NR2F6: variants seen among roughly 807,000 people sequenced by gnomAD.
NR2F6 encodes the protein nuclear receptor subfamily 2 group F member 6.
NR2F6 carries 16 observed loss-of-function variants against 26.5 expected under a neutral mutation model. That is an observed-to-expected ratio of 0.60 (90% CI 0.41 to 0.92). The LOEUF (loss-of-function observed/expected upper bound fraction) is 0.92, where lower values mean the gene tolerates loss of function less well. Among genes scored for constraint, NR2F6 ranks in the 40% least tolerant of loss-of-function variants. The pLI is 0.00. For synonymous variants in NR2F6, 325 were observed against 305.0 expected, an observed-to-expected ratio of 1.07 and a Z score of -0.68; for missense variants, 536 against 631.7, an observed-to-expected ratio of 0.85 and a Z score of 1.62.
At position 17,235,946 on chromosome 19, in the gene NR2F6, G is replaced by A; in HGVS notation, c.493C>T (p.Pro165Ser). The change falls in exon 3 of 4, where the codon CCG (proline) becomes TCG (serine). Residue 165 changes from proline (P) to serine (S), a missense_variant. Pro to Ser is a moderately conservative substitution (Grantham distance 74, BLOSUM62 -1). Transcript: ENST00000291442. This position sits in a 1 kb window ranked among gnomAD's most constrained non-coding sequence, Gnocchi z 5.0. Reference sequence around the variant, plus strand: ...AGCTGCGCGATCAGTTCGGACACCGGCTGCCCCGGGAAGAGGTCTCCGCCG... The same window carrying A: ...AGCTGCGCGATCAGTTCGGACACCGACTGCCCCGGGAAGAGGTCTCCGCCG... ...ASGGDLFPGQPVSELIAQLLR... is the reference protein window; with the variant it reads ...ASGGDLFPGQSVSELIAQLLR... The A allele has an allele frequency of 1.4e-6, 2 of 1,481,430 alleles. No homozygotes were observed. The highest frequency in any genetic ancestry group is 2.9e-5 in the East Asian group (1 of 34,696). The allele number at this position is 1,481,430 out of a possible 1,614,324, so 91.8% of individuals were successfully genotyped here.
At position 17,245,323 on chromosome 19, in the gene NR2F6, G is replaced by T; in HGVS notation, c.-103C>A. 9.7e-7 allele frequency: 1 copy of T among 1,026,012 alleles called. No individual in the cohort carries two copies. The highest frequency in any genetic ancestry group is 1.2e-6 in the Non-Finnish European group (1 of 818,928). The allele number at this position is 1,026,012 out of a possible 1,614,324, so 63.6% of individuals were successfully genotyped here. ...CGCGGCGCGCATTCGGCCCCGGCGC[G>T]CGGGGGGCACGGGCTGCACCCCCCA... On this transcript the variant is annotated 5_prime_UTR_variant, in exon 1 of 4. Transcript: ENST00000291442. The surrounding 1 kb of genome is among the most constrained non-coding windows in gnomAD (Gnocchi z 5.0).
intron 2 of NR2F6, among the ~76,000 whole-genome samples, chr19:17,240,415 T>C (rs1177986694): frequency 6.6e-6 from 1 of 152,178 alleles, no homozygotes; most frequent in Non-Finnish European, 1.5e-5. Flanking sequence ...CCCTGGCCTC[T>C]TCAGCTCCAC....
At chr19:17,241,227 G>A (rs1342495858) in intron 1 of NR2F6, among the ~76,000 whole-genome samples, 1 of 152,214 alleles carries the variant, frequency 6.6e-6, no homozygotes, top group Non-Finnish European at 1.5e-5. Context: ...TGGACTTTGT[G>A]AATTAACTAG....
At position 17,231,964 on chromosome 19, in the gene NR2F6, C is replaced by T. The variant is rs1214253444; in HGVS notation, c.*388G>A. On this transcript the variant is annotated 3_prime_UTR_variant, in exon 4 of 4. Transcript: ENST00000291442. The stretch of plus-strand genomic sequence containing the variant: ...ATAGGTTACGTGTCCAGAGGATCTG[C>T]CTGGCACACGCTAGCTACCCCTGCC... The T allele has an allele frequency of 8.2e-6, 2 of 245,340 alleles. No homozygotes were observed. The highest frequency in any genetic ancestry group is 2.3e-5 in the African/African-American group (1 of 43,360). 15.2% of individuals were successfully genotyped at this position (245,340 alleles called of 1,614,324 possible).
rs1377393522 is a variant in NR2F6, at chr19:17,245,290, G to A, written c.-70C>T. The stretch of plus-strand genomic sequence containing the variant: ...CTCCGGGCACCCCTCTCGGCCCGGG[G>A]GACCCTACGCGGCGCGCATTCGGCC... On this transcript the variant is annotated 5_prime_UTR_variant, in exon 1 of 4. Transcript: ENST00000291442. The surrounding 1 kb of genome is among the most constrained non-coding windows in gnomAD (Gnocchi z 5.0). 6.5e-5 allele frequency: 76 copies of A among 1,176,902 alleles called. 1 individual carries two copies. In the South Asian group the frequency reaches 2.6e-3, roughly 40 times the overall value. 72.9% of individuals were successfully genotyped at this position (1,176,902 alleles called of 1,614,324 possible). A position where few individuals can be genotyped will look rare whatever the true frequency, so the allele number is the denominator to read the frequency against.
intron 3 of NR2F6, among the ~76,000 whole-genome samples, chr19:17,233,875 C>A (rs559211677): frequency 2.0e-5 from 3 of 152,068 alleles, no homozygotes; most frequent in South Asian, 4.2e-4. Context: ...GAAGGGCCTA[C>A]GGTGTGAGAG....
intron 2 of NR2F6, among the ~76,000 whole-genome samples, chr19:17,237,932 G>A (rs1417048637): frequency 6.6e-6 from 1 of 152,162 alleles, no homozygotes. Flanking sequence ...TTGAGCCCAG[G>A]AGTTTGAGAC....
Position 17,232,500 on chromosome 19 carries a change from C to T in NR2F6, c.1067G>A (p.Arg356Gln), listed in dbSNP as rs903296014. The T allele has an allele frequency of 1.4e-5, 22 of 1,611,874 alleles. No individual in the cohort carries two copies. The highest frequency in any genetic ancestry group is 9.3e-5 in the African/African-American group (7 of 74,904). Residue 356 changes from arginine to glutamine, a missense_variant, in exon 4 of 4, where the codon CGG (arginine) becomes CAG (glutamine). Transcript: ENST00000291442. ...AGGGACCGCGCGCAGGGCGGGGAGC[C>T]GCAGCAGCAGGCGCCCGAAGCGCTG... is the stretch of plus-strand genomic sequence containing the variant. The part of the protein sequence containing the change: ...QPQRFGRLLL[R>Q]LPALRAVPAS...
At chr19:17,237,961 G>A (rs139265975) in intron 2 of NR2F6, among the ~76,000 whole-genome samples, 430 of 152,132 alleles carry the variant, frequency 2.8e-3, no homozygotes, top group African/African-American at 9.1e-3. Context: ...GCAACATAGC[G>A]AGACCCCGTC....
intron 1 of NR2F6, among the ~76,000 whole-genome samples, chr19:17,243,686 G>C (rs1031880985): frequency 3.9e-5 from 6 of 152,216 alleles, no homozygotes; most frequent in East Asian, 3.8e-4. Flanking sequence ...GCCCTGACCC[G>C]GGACCTGGGG....
At chr19:17,237,325 C>T (rs73931849) in intron 2 of NR2F6, among the ~76,000 whole-genome samples, 2,091 of 152,236 alleles carry the variant, frequency 0.014, 45 homozygotes, top group African/African-American at 0.046. Context: ...CACATTCCCA[C>T]CCCAGGGCCT....
In NR2F6 at chr19:17,240,784, C is replaced by T; in HGVS notation, c.279-19G>A. 6.2e-7 allele frequency: 1 copy of T among 1,612,146 alleles called. No homozygotes were observed. ...GTTGGACCTGGGGGCACACAGAAGC[C>T]AGGGCTCCCTGAGACCCCCATATCC... On this transcript the variant is annotated intron_variant, in intron 1 of 3. Coordinates refer to ENST00000291442, the MANE Select transcript of NR2F6 (RefSeq NM_005234.4).
chr19:17,243,944 G>T (rs1334451101), intron 1 of NR2F6, among the ~76,000 whole-genome samples: 2 of 152,164 alleles, frequency 1.3e-5, no homozygotes, highest in African/African-American at 2.4e-5. Context: ...CCGTCTAGAC[G>T]GGCTCCACAG....
At chr19:17,240,856 G>T in intron 1 of NR2F6, 91 bp from the exon 2 acceptor site, 1 of 1,266,868 alleles carries the variant, frequency 7.9e-7, no homozygotes, top group Non-Finnish European at 1.1e-6. Context: ...CTGCCCCTCA[G>T]AAATACTAGT....
At chr19:17,243,170 C>A (rs1005812685) in intron 1 of NR2F6, among the ~76,000 whole-genome samples, 2 of 152,198 alleles carry the variant, frequency 1.3e-5, no homozygotes, top group Admixed American at 1.3e-4. Flanking sequence ...AGGCTCATGT[C>A]CCCTAGCCTC....
chr19:17,232,469 G>A lies in NR2F6; in HGVS notation c.1098C>T (p.Ser366=), dbSNP rs1055606140. ...RLPALRAVPA[S]LISQLFFMRL... is the part of the protein sequence containing the mutation. The stretch of plus-strand genomic sequence containing the variant: ...GCATGAAGAACAGCTGGGAGATGAG[G>A]GAGGCAGGGACCGCGCGCAGGGCGG... The change falls in exon 4 of 4, where the codon TCC becomes TCT. Residue 366 remains serine (S), a synonymous_variant. Coordinates refer to ENST00000291442, the MANE Select transcript of NR2F6 (RefSeq NM_005234.4). 4 of 1,613,824 alleles carry A rather than the reference G, an allele frequency of 2.5e-6. No homozygotes were observed. The highest frequency in any genetic ancestry group is 1.7e-6 in the Non-Finnish European group (2 of 1,179,976).
At position 17,235,373 on chromosome 19, in the gene NR2F6, G is replaced by C; in HGVS notation, c.940+126C>G. ...ACCCAAGAGCGTTCACTCACGGCGC[G>C]TGCAGGGCCCCAGGCCTAGGGAGCG... On this transcript the variant is annotated intron_variant, in intron 3 of 3. Transcript: ENST00000291442. The surrounding 1 kb of genome is among the most constrained non-coding windows in gnomAD (Gnocchi z 5.0). 4.8e-6 allele frequency: 7 copies of C among 1,466,366 alleles called. No individual in the cohort carries two copies. The highest frequency in any genetic ancestry group is 6.3e-6 in the Non-Finnish European group (7 of 1,115,406). The allele number at this position is 1,466,366 out of a possible 1,614,324, so 90.8% of individuals were successfully genotyped here.
At chr19:17,234,288 C>T (rs932587924) in intron 3 of NR2F6, among the ~76,000 whole-genome samples, 2 of 151,756 alleles carry the variant, frequency 1.3e-5, no homozygotes, top group African/African-American at 4.8e-5. Context: ...ATTTTTGAGA[C>T]GCGGTCTCAC....
chr19:17,245,267 C>T lies in NR2F6; in HGVS notation c.-47G>A. 8.3e-7 allele frequency: 1 copy of T among 1,211,264 alleles called. No individual in the cohort carries two copies. Among genetic ancestry groups the T allele is most frequent in the East Asian group, 3.6e-5 (1 of 27,612 alleles). The allele number at this position is 1,211,264 out of a possible 1,614,324, so 75.0% of individuals were successfully genotyped here. A position where few individuals can be genotyped will look rare whatever the true frequency, so the allele number is the denominator to read the frequency against. ...GGGCGCCCCCACCGCGCTCTTCCCTCCGGGCACCCCTCTCGGCCCGGGGGA... is the reference window on the plus strand; with the variant it reads ...GGGCGCCCCCACCGCGCTCTTCCCTTCGGGCACCCCTCTCGGCCCGGGGGA... On this transcript the variant is annotated 5_prime_UTR_variant, in exon 1 of 4. Transcript: ENST00000291442. The surrounding 1 kb of genome is among the most constrained non-coding windows in gnomAD (Gnocchi z 5.0).
Sources: gnomAD v4.1 joint callset for allele counts (sites outside exome capture counted in the v4.1 genomes callset) on GRCh38, gnomAD v4.1.1 for gene constraint, Gnocchi (gnomAD v3.1) non-coding constraint, MANE v1.5 for transcripts, NCBI Gene and HGNC (gene_info 2026-07-23, HGNC 2026-07-21) for gene names.